CDH20: variants seen among roughly 807,000 people sequenced by gnomAD.
CDH20 encodes the protein cadherin-20.
Under a neutral mutation model 74.2 loss-of-function variants are expected in CDH20, and 29 were observed. The observed-to-expected ratio is 0.39, with a 90% CI of 0.29 to 0.53. The LOEUF is 0.53. CDH20 is among the 20% of genes least tolerant of loss of function. The probability of loss-of-function intolerance (pLI) is 0.69; values close to 1 mark genes in which losing one functional copy is unlikely to be tolerated. For missense variants in CDH20, 988 were observed against 1,048.3 expected, an observed-to-expected ratio of 0.94 and a Z score of 0.79; for synonymous variants, 469 against 405.4, an observed-to-expected ratio of 1.16 and a Z score of -1.88.
chr18:61,490,895 A>C, intron 2 of CDH20, 96 bp downstream of exon 2: 1 of 1,317,086 alleles, frequency 7.6e-7, no homozygotes, highest in Non-Finnish European at 1.1e-6. Flanking sequence ...CTGAGACCTG[A>C]GAAAAACTAG....
chr18:61,499,124 T>C (rs1409200685), intron 2 of CDH20, 62 bp from the exon 3 acceptor site: 1 of 1,313,680 alleles, frequency 7.6e-7, no homozygotes, highest in Non-Finnish European at 1.0e-6. Context: ...AAACTGAAAA[T>C]CAATGTGTTT....
intron 1 of CDH20, among the ~76,000 whole-genome samples, chr18:61,375,380 T>G (rs927880117): frequency 6.6e-6 from 1 of 152,192 alleles, no homozygotes; most frequent in African/African-American, 2.4e-5. Flanking sequence ...TCTGCTCTAG[T>G]TGGAAATGCC....
intron 7 of CDH20, among the ~76,000 whole-genome samples, chr18:61,535,192 T>C (rs1912779667): frequency 6.6e-6 from 1 of 151,992 alleles, no homozygotes; most frequent in Admixed American, 6.6e-5. Context: ...GGCAGGCACC[T>C]GTAATCCCAG....
chr18:61,488,544 A>G (rs1037482508), intron 1 of CDH20, among the ~76,000 whole-genome samples: 2 of 152,168 alleles, frequency 1.3e-5, no homozygotes, highest in Non-Finnish European at 2.9e-5. Context: ...ATAGATGAGG[A>G]AACTGAAATT....
intron 1 of CDH20, among the ~76,000 whole-genome samples, chr18:61,421,394 A>T (rs1912873865): frequency 6.6e-6 from 1 of 152,204 alleles, no homozygotes; most frequent in African/African-American, 2.4e-5. Flanking sequence ...TGTTATCACC[A>T]GAGGCATAAC....
intron 1 of CDH20, among the ~76,000 whole-genome samples, chr18:61,453,757 G>C (rs1909477342): frequency 6.6e-6 from 1 of 152,184 alleles, no homozygotes; most frequent in South Asian, 2.1e-4. Context: ...TATTAGTAAA[G>C]CTGATATAAA....
At chr18:61,349,308 G>A (rs1910228251) in intron 1 of CDH20, among the ~76,000 whole-genome samples, 2 of 152,102 alleles carry the variant, frequency 1.3e-5, no homozygotes, top group African/African-American at 4.8e-5. Flanking sequence ...GCTTTCCCAG[G>A]GAAAACAGAA....
intron 9 of CDH20, among the ~76,000 whole-genome samples, chr18:61,539,496 A>T (rs916701944): frequency 1.3e-5 from 2 of 152,124 alleles, no homozygotes; most frequent in African/African-American, 4.8e-5. Context: ...TTATGGCCTA[A>T]ACAGCACTTT....
rs147764572 is a variant in CDH20 at position 61,344,767 on chromosome 18, G to T, written c.-153+10940G>T. Among the ~76,000 whole-genome samples the T allele has an allele frequency of 3.4e-4, 52 of 152,240 alleles. No individual in the cohort carries two copies. The East Asian group carries it at 9.7e-3, about 28-fold the overall frequency. ...CTATAAATTAGGGAATTAGAACCTA[G>T]GTCTCCAGACTGGAAGGTACTAGTG... On this transcript the variant is annotated intron_variant, in intron 1 of 11. Transcript: ENST00000262717.
intron 2 of CDH20, among the ~76,000 whole-genome samples, chr18:61,496,029 C>T (rs1287491751): frequency 2.4e-5 from 3 of 124,958 alleles, no homozygotes; most frequent in Non-Finnish European, 5.3e-5. Flanking sequence ...CTTCCTCTCC[C>T]ACCTCTCTCC....
In CDH20 at chr18:61,486,456, T is replaced by C. The variant is rs182135132; in HGVS notation, c.-152-3946T>C. On this transcript the variant is annotated intron_variant, in intron 1 of 11. Coordinates refer to ENST00000262717, the MANE Select transcript of CDH20 (RefSeq NM_031891.4). ...TGTGTCATTCTCTGGGGTTTTGTAC[T>C]CTATACAAAAGGATTTTAACTCCTA... Among the ~76,000 whole-genome samples, 27 of 152,310 alleles carry C rather than the reference T, an allele frequency of 1.8e-4. No homozygotes were observed. The East Asian group carries it at 5.0e-3, about 28-fold the overall frequency.
At chr18:61,392,345 A>G (rs998753562) in intron 1 of CDH20, among the ~76,000 whole-genome samples, 1 of 151,712 alleles carries the variant, frequency 6.6e-6, no homozygotes, top group Non-Finnish European at 1.5e-5. Context: ...CTGTTTACCC[A>G]CTCTAAATCA....
chr18:61,343,607 G>A (rs1910023028), intron 1 of CDH20, among the ~76,000 whole-genome samples: 1 of 152,140 alleles, frequency 6.6e-6, no homozygotes, highest in Admixed American at 6.5e-5. Flanking sequence ...TCATCACACT[G>A]TACCTGAGCT....
At chr18:61,348,150 T>C (rs1910193703) in intron 1 of CDH20, among the ~76,000 whole-genome samples, 1 of 152,200 alleles carries the variant, frequency 6.6e-6, no homozygotes, top group Non-Finnish European at 1.5e-5. Flanking sequence ...AATTAATGTT[T>C]TTAAGTCAAA....
At chr18:61,508,235 TTC>T (rs1911649501) in intron 6 of CDH20, among the ~76,000 whole-genome samples, 1 of 152,242 alleles carries the variant, frequency 6.6e-6, no homozygotes, top group Admixed American at 6.5e-5. Context: ...TTAAATGATA[TTC>T]TCAACAAATT....
chr18:61,430,389 T>C (rs868130262), intron 1 of CDH20, among the ~76,000 whole-genome samples: 2 of 152,182 alleles, frequency 1.3e-5, no homozygotes, highest in South Asian at 4.1e-4. Context: ...TCAGGATACA[T>C]GTTGATAGTA....
chr18:61,487,637 G>T (rs1249789688), intron 1 of CDH20, among the ~76,000 whole-genome samples: 1 of 152,206 alleles, frequency 6.6e-6, no homozygotes, highest in African/African-American at 2.4e-5. Flanking sequence ...TACGTGTTCA[G>T]TGGAGGGGAG....
intron 1 of CDH20, among the ~76,000 whole-genome samples, chr18:61,374,515 T>C (rs1911148866): frequency 6.6e-6 from 1 of 152,162 alleles, no homozygotes; most frequent in Admixed American, 6.6e-5. Context: ...ATTATTCTAT[T>C]AGAGAGAAAT....
intron 6 of CDH20, among the ~76,000 whole-genome samples, chr18:61,511,650 G>A (rs1911788375): frequency 1.3e-5 from 2 of 152,046 alleles, no homozygotes; most frequent in South Asian, 2.1e-4. Flanking sequence ...ATATAGTTTA[G>A]ACTGTATTAC....
Sources: gnomAD v4.1 joint callset for allele counts (sites outside exome capture counted in the v4.1 genomes callset) on GRCh38, gnomAD v4.1.1 for gene constraint, MANE v1.5 for transcripts, NCBI Gene and HGNC (gene_info 2026-07-23, HGNC 2026-07-21) for gene names.